MTERF3: variants seen among roughly 807,000 people sequenced by gnomAD.
MTERF3 encodes mitochondrial transcription termination factor 3, also known as transcription termination factor 3, mitochondrial.
MTERF3 carries 40 observed loss-of-function variants against 40.5 expected under a neutral mutation model. The observed-to-expected ratio is 0.99, with a 90% CI of 0.77 to 1.29. MTERF3 has a LOEUF of 1.29. Among genes scored for constraint, MTERF3 ranks in the 50% most tolerant of loss-of-function variants. The pLI is 0.00. For missense variants in MTERF3, 452 were observed against 478.2 expected, an observed-to-expected ratio of 0.95 and a Z score of 0.51; for synonymous variants, 158 against 166.6, an observed-to-expected ratio of 0.95 and a Z score of 0.40.
At chr8:96,255,468 G>T (rs186689504) in intron 3 of MTERF3, among the ~76,000 whole-genome samples, 2 of 151,852 alleles carry the variant, frequency 1.3e-5, no homozygotes. Context: ...GTGAAACCTC[G>T]TCTCTACTAA....
At position 96,261,593 on chromosome 8, in the gene MTERF3, C is replaced by T. The variant is rs963847487; in HGVS notation, c.-103G>A. 6.4e-6 allele frequency: 1 copy of T among 155,078 alleles called. No homozygotes were observed. The highest frequency in any genetic ancestry group is 2.4e-5 in the African/African-American group (1 of 41,496). 9.6% of individuals were successfully genotyped at this position (155,078 alleles called of 1,614,324 possible). A position where few individuals can be genotyped will look rare whatever the true frequency, so the allele number is the denominator to read the frequency against. On this transcript the variant is annotated 5_prime_UTR_variant, in exon 1 of 8. Coordinates refer to ENST00000287025, the MANE Select transcript of MTERF3 (RefSeq NM_015942.5). ...CGTCCCGCCGCGCCGCACGCCGGCT[C>T]CTCAGCCCGCCCTACACAGCGCAGC...
intron 6 of MTERF3, among the ~76,000 whole-genome samples, chr8:96,245,536 G>A (rs1273879337): frequency 6.6e-6 from 1 of 152,168 alleles, no homozygotes; most frequent in Non-Finnish European, 1.5e-5. Context: ...ACACTGCCCA[G>A]GTAACAAAGA....
At chr8:96,250,681 A>AAGAAGAAGAAGAAGG (rs1195195158) in intron 4 of MTERF3, among the ~76,000 whole-genome samples, 53 of 23,300 alleles carry the variant, frequency 2.3e-3, no homozygotes, top group Non-Finnish European at 3.5e-3. Flanking sequence ...GAAGAAGAAG[A>AAGAAGAAGAAGAAGG]AGGAGGAGGA....
chr8:96,244,034 A>G lies in MTERF3; in HGVS notation c.944T>C (p.Met315Thr). 4.3e-6 allele frequency: 7 copies of G among 1,613,814 alleles called. No homozygotes were observed. Among genetic ancestry groups the G allele is most frequent in the Non-Finnish European group, 5.1e-6 (6 of 1,179,682 alleles). ...TAACATCTTTGGGATTCTGGTGATC[A>G]TATGTTGAATTTCGTTATGTTTAAA... ...LGFKHNEIQH[M>T]ITRIPKMLTA... The change falls in exon 7 of 8, where the codon ATG (methionine) becomes ACG (threonine). Residue 315 changes from methionine (M) to threonine (T), a missense_variant. Transcript: ENST00000287025.
At chr8:96,261,324 G>T (rs1349767078) in intron 1 of MTERF3, among the ~76,000 whole-genome samples, 177 bp downstream of exon 1, 1 of 152,210 alleles carries the variant, frequency 6.6e-6, no homozygotes, top group Non-Finnish European at 1.5e-5. Context: ...AGCCAGCATG[G>T]TTGAGTTTTC....
At position 96,244,081 on chromosome 8, in the gene MTERF3, C is replaced by T; in HGVS notation, c.898-1G>A. 1 of 1,607,386 alleles carries T rather than the reference C, an allele frequency of 6.2e-7. No homozygotes were observed. Among genetic ancestry groups the T allele is most frequent in the South Asian group, 1.1e-5 (1 of 90,702 alleles). On this transcript the variant is annotated splice_acceptor_variant, in intron 6 of 7. Coordinates refer to ENST00000287025, the MANE Select transcript of MTERF3 (RefSeq NM_015942.5). LOFTEE classifies it high-confidence loss of function. ...TAAAACCAAGTTCAAGACGATAAAC[C>T]TAAAAGAAAGTAAATTTGCTATGAA...
At chr8:96,243,856 G>A in intron 7 of MTERF3, 63 bp downstream of exon 7, 1 of 1,542,960 alleles carries the variant, frequency 6.5e-7, no homozygotes, top group South Asian at 1.2e-5. Flanking sequence ...CTATGCAGCT[G>A]GAGAGCAGCT....
chr8:96,260,327 T>C (rs1810359184), intron 1 of MTERF3: 1 of 152,082 alleles, frequency 6.6e-6, no homozygotes. Flanking sequence ...ACCTACAACA[T>C]TCATTCTCTG....
intron 7 of MTERF3, among the ~76,000 whole-genome samples, chr8:96,243,627 G>A (rs542051787): frequency 6.6e-6 from 1 of 152,168 alleles, no homozygotes; most frequent in African/African-American, 2.4e-5. Flanking sequence ...AAAAGTACAC[G>A]TAGCAGTGAA....
intron 7 of MTERF3, among the ~76,000 whole-genome samples, chr8:96,240,222 T>C (rs1188132559): frequency 6.8e-6 from 1 of 147,416 alleles, no homozygotes; most frequent in East Asian, 2.0e-4. Context: ...CACTCCAGCC[T>C]GGGCAACAGA....
chr8:96,245,699 T>C (rs1810007626), intron 6 of MTERF3, among the ~76,000 whole-genome samples, 161 bp downstream of exon 6: 1 of 152,246 alleles, frequency 6.6e-6, no homozygotes, highest in South Asian at 2.1e-4. Context: ...AACAAACTGC[T>C]TGCTAGACAT....
intron 4 of MTERF3, 44 bp downstream of exon 4, chr8:96,250,862 T>A: frequency 6.5e-7 from 1 of 1,537,376 alleles, no homozygotes; most frequent in South Asian, 1.2e-5. Context: ...ATTTCCTTCA[T>A]AACCACTTCT....
intron 7 of MTERF3, among the ~76,000 whole-genome samples, chr8:96,242,125 G>T (rs943174062): frequency 6.6e-6 from 1 of 152,176 alleles, no homozygotes; most frequent in African/African-American, 2.4e-5. Flanking sequence ...AGCCAAAAAT[G>T]TAAAGTCTAT....
intron 2 of MTERF3, 62 bp downstream of exon 2, chr8:96,258,295 A>G: frequency 6.7e-7 from 1 of 1,500,938 alleles, no homozygotes; most frequent in Admixed American, 2.2e-5. Flanking sequence ...GAAGGTAAAC[A>G]GGTAGCTTGT....
intron 2 of MTERF3, among the ~76,000 whole-genome samples, chr8:96,257,489 T>C (rs922465402): frequency 6.6e-6 from 1 of 152,236 alleles, no homozygotes; most frequent in African/African-American, 2.4e-5. Flanking sequence ...CTGAATTGCA[T>C]GGATTAAAGT....
chr8:96,251,103 A>T lies in MTERF3; in HGVS notation c.488-8T>A, dbSNP rs1258994600. The T allele has an allele frequency of 6.4e-7, 1 of 1,563,806 alleles. No homozygotes were observed. Among genetic ancestry groups the T allele is most frequent in the Non-Finnish European group, 8.6e-7 (1 of 1,165,300 alleles). ...TCTTGGACAAATCCACGCCTATAAT[A>T]AATTATAAATACTGTTTGAAGATGA... On this transcript the variant is annotated splice_region_variant and splice_polypyrimidine_tract_variant and intron_variant, in intron 3 of 7. Coordinates refer to ENST00000287025, the MANE Select transcript of MTERF3 (RefSeq NM_015942.5).
chr8:96,241,862 G>A (rs1394321375), intron 7 of MTERF3, among the ~76,000 whole-genome samples: 1 of 152,170 alleles, frequency 6.6e-6, no homozygotes, highest in East Asian at 1.9e-4. Context: ...CAGAGGAAGG[G>A]GAGAGTGAAG....
chr8:96,252,341 C>A (rs1308023073), intron 3 of MTERF3, among the ~76,000 whole-genome samples: 1 of 152,006 alleles, frequency 6.6e-6, no homozygotes, highest in East Asian at 1.9e-4. Flanking sequence ...ATATATGGGA[C>A]CATTAGCTAT....
chr8:96,257,902 G>A lies in MTERF3; in HGVS notation c.334+455C>T, dbSNP rs1057243160. On this transcript the variant is annotated intron_variant, in intron 2 of 7. Transcript: ENST00000287025. Reference sequence around the variant, plus strand: ...TTCCTAGAATAGGACCCATAGGAAGGAGAGGATTGACTAAAAAGCGACCAT... The same window carrying A: ...TTCCTAGAATAGGACCCATAGGAAGAAGAGGATTGACTAAAAAGCGACCAT... Among the ~76,000 whole-genome samples the A allele has an allele frequency of 2.6e-5, 4 of 152,256 alleles. No homozygotes were observed. In the South Asian group the frequency reaches 8.3e-4, roughly 32 times the overall value.
Sources: gnomAD v4.1 joint callset for allele counts (sites outside exome capture counted in the v4.1 genomes callset) on GRCh38, gnomAD v4.1.1 for gene constraint, MANE v1.5 for transcripts, NCBI Gene and HGNC (gene_info 2026-07-23, HGNC 2026-07-21) for gene names.